Variants in GNAO1 observed in about 807,000 individuals in gnomAD.
GNAO1 encodes G protein subunit alpha o1, also known as guanine nucleotide-binding protein G(o) subunit alpha.
For missense variants in GNAO1, 166 were observed against 478.7 expected, an observed-to-expected ratio of 0.35 and a Z score of 6.10; for synonymous variants, 164 against 180.7, an observed-to-expected ratio of 0.91 and a Z score of 0.74.
chr16:56,272,081 G>A (rs2037022879), intron 2 of GNAO1, among the ~76,000 whole-genome samples: 1 of 152,196 alleles, frequency 6.6e-6, no homozygotes, highest in South Asian at 2.1e-4. Context: ...TAAAAATTCA[G>A]TGTTCTTCTG....
chr16:56,315,705 A>AC (rs1170753274), intron 3 of GNAO1, among the ~76,000 whole-genome samples: 87 of 148,790 alleles, frequency 5.8e-4, no homozygotes, highest in African/African-American at 2.1e-3. Context: ...TGACATAAAA[A>AC]CCCCCCTGCC....
intron 2 of GNAO1, among the ~76,000 whole-genome samples, chr16:56,256,714 C>CTGTGTG (rs1445031459): frequency 8.9e-5 from 11 of 123,486 alleles, no homozygotes; most frequent in East Asian, 5.2e-4. Flanking sequence ...CTCTCTCTCT[C>CTGTGTG]TCTCTGTGTG....
chr16:56,223,791 A>C (rs2036511599), intron 2 of GNAO1, among the ~76,000 whole-genome samples: 1 of 152,212 alleles, frequency 6.6e-6, no homozygotes, highest in African/African-American at 2.4e-5. Flanking sequence ...GAGATTTAAG[A>C]CTTTGAGTAA....
At chr16:56,261,099 C>T (rs1454737184) in intron 2 of GNAO1, among the ~76,000 whole-genome samples, 3 of 152,204 alleles carry the variant, frequency 2.0e-5, no homozygotes, top group African/African-American at 7.2e-5. Context: ...TGACCACTGC[C>T]GTTTCATTTG....
intron 3 of GNAO1, among the ~76,000 whole-genome samples, chr16:56,288,652 G>A (rs966708265): frequency 3.3e-5 from 5 of 152,168 alleles, no homozygotes; most frequent in South Asian, 2.1e-4. Context: ...CGTGGGGGCC[G>A]GTCTTCCCTT....
At chr16:56,347,463 G>A (rs1351656631) in intron 6 of GNAO1, 34 of 985,502 alleles carry the variant, frequency 3.5e-5, no homozygotes, top group Non-Finnish European at 3.9e-5. Flanking sequence ...AGCAAGAAGA[G>A]TCCTGACCCC....
rs545176041 is a variant in GNAO1 at position 56,195,939 on chromosome 16, G to T, written c.161+3323G>T. On this transcript the variant is annotated intron_variant, in intron 2 of 8. Coordinates refer to ENST00000262493, the MANE Select transcript of GNAO1 (RefSeq NM_020988.3). ...AATAATAAAGGACCGGCTGGCAATTGCTGTTTAGAACAAAGGGTTAACATC... is the reference window on the plus strand; with the variant it reads ...AATAATAAAGGACCGGCTGGCAATTTCTGTTTAGAACAAAGGGTTAACATC... 9.2e-5 allele frequency among the ~76,000 whole-genome samples: 14 copies of T among 152,238 alleles called. 1 individual carries two copies. In the South Asian group the frequency reaches 2.7e-3, roughly 29 times the overall value.
At chr16:56,197,376 C>G (rs999091025) in intron 2 of GNAO1, among the ~76,000 whole-genome samples, 1 of 152,198 alleles carries the variant, frequency 6.6e-6, no homozygotes, top group African/African-American at 2.4e-5. Flanking sequence ...AGCAAGAGTG[C>G]GAACGGAATG....
At chr16:56,329,097 G>T in intron 4 of GNAO1, 1 of 266,360 alleles carries the variant, frequency 3.8e-6, no homozygotes, top group Non-Finnish European at 7.1e-6. Context: ...CAAAAAGACA[G>T]CTTTCAAGTG....
At chr16:56,329,078 C>T (rs1412550114) in intron 4 of GNAO1, 5 of 320,620 alleles carry the variant, frequency 1.6e-5, no homozygotes, top group African/African-American at 4.2e-5. Flanking sequence ...TGGAGAGTGC[C>T]TGGCACTGCA....
intron 3 of GNAO1, among the ~76,000 whole-genome samples, chr16:56,318,578 TTGTG>T (rs145372923): frequency 6.6e-6 from 1 of 151,866 alleles, no homozygotes. Context: ...AGGACTGGGT[TTGTG>T]TGTGTGTGTG....
intron 3 of GNAO1, among the ~76,000 whole-genome samples, chr16:56,281,682 CCCT>C (rs2037116092): frequency 6.6e-6 from 1 of 152,144 alleles, no homozygotes; most frequent in Non-Finnish European, 1.5e-5. Context: ...CAAGCTCTCC[CCCT>C]CCTCCTTCCT....
At chr16:56,347,412 G>T in intron 6 of GNAO1, 1 of 985,636 alleles carries the variant, frequency 1.0e-6, no homozygotes, top group South Asian at 4.7e-5. Context: ...GTGAGCTGCT[G>T]CCGTGGGGTC....
rs1413803208 is a variant in GNAO1, at chr16:56,354,567, T to C, written c.878-299T>C. 1.3e-5 allele frequency among the ~76,000 whole-genome samples: 2 copies of C among 152,096 alleles called. No individual in the cohort carries two copies. Among genetic ancestry groups the C allele is most frequent in the Non-Finnish European group, 2.9e-5 (2 of 68,008 alleles). ...GGCACGCGCCTGTATTACCAGCTAC[T>C]CAGGAGGCTGAGGCAGGAGAATCGC... is the stretch of plus-strand genomic sequence containing the variant. On this transcript the variant is annotated intron_variant, in intron 7 of 8. Coordinates refer to ENST00000262493, the MANE Select transcript of GNAO1 (RefSeq NM_020988.3). The surrounding 1 kb of genome is among the most constrained non-coding windows in gnomAD (Gnocchi z 4.3).
At chr16:56,235,826 A>G (rs1452625404) in intron 2 of GNAO1, among the ~76,000 whole-genome samples, 1 of 152,120 alleles carries the variant, frequency 6.6e-6, no homozygotes, top group African/African-American at 2.4e-5. Flanking sequence ...GAGATAAGAT[A>G]TTTATCTTAT....
intron 6 of GNAO1, chr16:56,345,808 T>A: frequency 1.0e-6 from 1 of 985,568 alleles, no homozygotes; most frequent in Non-Finnish European, 1.2e-6. Context: ...AGGCCAGTTG[T>A]TCCGCTTACT....
intron 7 of GNAO1, chr16:56,352,649 C>T (rs549825255): frequency 6.6e-6 from 1 of 152,434 alleles, no homozygotes; most frequent in South Asian, 2.1e-4. Context: ...CAGCATAGGT[C>T]GATGCTGGTC....
intron 3 of GNAO1, among the ~76,000 whole-genome samples, chr16:56,316,505 A>G (rs1358483747): frequency 6.6e-6 from 1 of 152,104 alleles, no homozygotes; most frequent in African/African-American, 2.4e-5. Context: ...GGCCCTGCTG[A>G]TGGCTGCCAG....
intron 2 of GNAO1, among the ~76,000 whole-genome samples, chr16:56,262,758 A>G (rs1333406560): frequency 6.6e-6 from 1 of 152,234 alleles, no homozygotes; most frequent in Non-Finnish European, 1.5e-5. Context: ...TATCAGGCAG[A>G]TGGGAGACCA....
Sources: allele counts gnomAD v4.1 joint callset (sites outside exome capture counted in the v4.1 genomes callset), GRCh38; gene constraint gnomAD v4.1.1; non-coding constraint Gnocchi (gnomAD v3.1); transcripts MANE v1.5; gene names NCBI Gene and HGNC (gene_info 2026-07-23, HGNC 2026-07-21).